Variants in SOX5 observed in about 807,000 individuals in gnomAD.
The protein encoded by SOX5 is transcription factor SOX-5.
A neutral mutation model predicts 92.0 loss-of-function variants in SOX5; 9 were observed. The observed-to-expected ratio is 0.10, with a 90% CI of 0.06 to 0.17. SOX5 has a LOEUF of 0.17. Ranked by LOEUF, SOX5 falls within the 10% of genes least tolerant of loss-of-function variation. The pLI is 1.00. For missense variants in SOX5, 642 were observed against 944.5 expected (o/e 0.68, Z 4.20); for synonymous variants, 344 against 336.3 (o/e 1.02, Z -0.25).
intron 2 of SOX5, among the ~76,000 whole-genome samples, chr12:23,882,493 C>T (rs2137167442): frequency 1.3e-5 from 2 of 151,982 alleles, no homozygotes; most frequent in South Asian, 4.2e-4. Context: ...ATATACCATT[C>T]CAAAATATTG....
At chr12:23,558,382 C>T (rs1304275044) in intron 11 of SOX5, among the ~76,000 whole-genome samples, 3 of 152,144 alleles carry the variant, frequency 2.0e-5, no homozygotes, top group African/African-American at 2.4e-5. Flanking sequence ...TGAAATACCC[C>T]CGTATGAATG....
At chr12:24,005,822 A>C (rs1952096004) in intron 4 of SOX5, among the ~76,000 whole-genome samples, 1 of 152,224 alleles carries the variant, frequency 6.6e-6, no homozygotes, top group Admixed American at 6.6e-5. Context: ...ATTAAAATAC[A>C]GAGAAGCTAA....
intron 4 of SOX5, chr12:24,213,284 A>T (rs1228405999): frequency 1.3e-5 from 2 of 152,094 alleles, no homozygotes; most frequent in African/African-American, 4.8e-5. Context: ...AAGAGATTTG[A>T]GAATTGTAAA....
intron 4 of SOX5, among the ~76,000 whole-genome samples, chr12:24,207,685 A>G (rs1394572797): frequency 6.6e-6 from 1 of 152,176 alleles, no homozygotes; most frequent in Admixed American, 6.5e-5. Context: ...CTACAACTCA[A>G]ACTTGAGAGT....
intron 3 of SOX5, among the ~76,000 whole-genome samples, chr12:24,262,912 T>A (rs1482177749): frequency 6.6e-6 from 1 of 152,076 alleles, no homozygotes; most frequent in African/African-American, 2.4e-5. Context: ...ATACATTGCC[T>A]CCAAAATGTC....
chr12:24,449,633 A>G lies in SOX5; in HGVS notation c.-250-80994T>C, dbSNP rs1371954736. On this transcript the variant is annotated intron_variant, in intron 1 of 4. Transcript: ENST00000446891. ...AGACCCAAAACAGGGCCTGGAAGAT[A>G]ATAGTAGTAAATATTTTTTCAAGAA... 2.0e-5 allele frequency among the ~76,000 whole-genome samples: 3 copies of G among 152,372 alleles called. No individual in the cohort carries two copies. In the East Asian group the frequency reaches 5.8e-4, roughly 29 times the overall value.
chr12:24,216,183 C>T (rs1959158770), intron 3 of SOX5, among the ~76,000 whole-genome samples: 1 of 152,052 alleles, frequency 6.6e-6, no homozygotes, highest in African/African-American at 2.4e-5. Flanking sequence ...GGGAGGTTGT[C>T]AAAAGAATAA....
chr12:24,265,860 A>G (rs1352944356), intron 3 of SOX5, among the ~76,000 whole-genome samples: 2 of 152,094 alleles, frequency 1.3e-5, no homozygotes, highest in Non-Finnish European at 2.9e-5. Flanking sequence ...TTTCAGTAAA[A>G]TTAATATTGC....
chr12:24,458,566 T>G (rs1046667340), intron 1 of SOX5, among the ~76,000 whole-genome samples: 1 of 152,126 alleles, frequency 6.6e-6, no homozygotes, highest in Admixed American at 6.5e-5. Context: ...GACCCAGATA[T>G]AGATGTTTTT....
At chr12:24,332,449 G>A (rs1951435860) in intron 2 of SOX5, among the ~76,000 whole-genome samples, 1 of 152,032 alleles carries the variant, frequency 6.6e-6, no homozygotes, top group African/African-American at 2.4e-5. Context: ...AACTGAGAAA[G>A]TTACTTGACA....
At chr12:24,350,624 A>G (rs1468501026) in intron 2 of SOX5, among the ~76,000 whole-genome samples, 2 of 152,182 alleles carry the variant, frequency 1.3e-5, no homozygotes, top group Non-Finnish European at 2.9e-5. Flanking sequence ...GACTACAGGC[A>G]TGAGCCACTG....
upstream of SOX5, among the ~76,000 whole-genome samples, chr12:23,955,403 C>T (rs1445517193): frequency 6.6e-6 from 1 of 152,146 alleles, no homozygotes; most frequent in Non-Finnish European, 1.5e-5. Context: ...CGTAATTTGG[C>T]TCTATTTTTA....
At chr12:23,763,653 CT>C (rs141399576) in intron 3 of SOX5, among the ~76,000 whole-genome samples, 35 of 148,928 alleles carry the variant, frequency 2.4e-4, no homozygotes, top group Non-Finnish European at 2.8e-4. Context: ...TAATCTTTGC[CT>C]TTTTTTTTTC....
At position 24,442,581 on chromosome 12, in the gene SOX5, C is replaced by T. The variant is rs146093041; in HGVS notation, c.-250-73942G>A. 4.7e-3 allele frequency among the ~76,000 whole-genome samples: 714 copies of T among 152,136 alleles called. 11 individuals are homozygous for T. The East Asian group carries it at 0.051, about 11-fold the overall frequency. On this transcript the variant is annotated intron_variant, in intron 1 of 4. Transcript: ENST00000446891. Reference sequence around the variant, plus strand: ...AAAGTTTAAAAGTTTTAAGAGGAGACGTTAATGAGAAAGTCACATTGCACA... The same window carrying T: ...AAAGTTTAAAAGTTTTAAGAGGAGATGTTAATGAGAAAGTCACATTGCACA...
rs1264874472 is a variant in SOX5, at chr12:24,119,978, T to C, written c.-2+93365A>G. Among the ~76,000 whole-genome samples, 10 of 152,342 alleles carry C rather than the reference T, an allele frequency of 6.6e-5. No individual in the cohort carries two copies. The South Asian group carries it at 1.2e-3, about 19-fold the overall frequency. On this transcript the variant is annotated intron_variant, in intron 4 of 4. Transcript: ENST00000446891. ...CTCATTGCGATGGTTGTTAAATTCA[T>C]ATATAGTTGTGTGCAGTTGTAGATC...
intron 1 of SOX5, among the ~76,000 whole-genome samples, chr12:24,456,418 A>G (rs1284167552): frequency 6.6e-6 from 1 of 152,176 alleles, no homozygotes; most frequent in Admixed American, 6.5e-5. Flanking sequence ...GTGCCATATC[A>G]TATTTCTAGA....
intron 4 of SOX5, among the ~76,000 whole-genome samples, chr12:23,745,259 A>G (rs563600745): frequency 6.6e-6 from 1 of 152,232 alleles, no homozygotes; most frequent in African/African-American, 2.4e-5. Context: ...CTTCACTGCC[A>G]TTTTTGTCAT....
chr12:24,070,334 C>A (rs1941563555), intron 4 of SOX5, among the ~76,000 whole-genome samples: 1 of 151,952 alleles, frequency 6.6e-6, no homozygotes. Context: ...AAAGAGGCAA[C>A]AGGACTGATC....
At chr12:24,210,072 A>G (rs1958442083) in intron 4 of SOX5, among the ~76,000 whole-genome samples, 1 of 151,574 alleles carries the variant, frequency 6.6e-6, no homozygotes, top group Non-Finnish European at 1.5e-5. Flanking sequence ...TCCAAGTATC[A>G]ATAATATCTA....
Sources: allele counts gnomAD v4.1 joint callset (sites outside exome capture counted in the v4.1 genomes callset), GRCh38; gene constraint gnomAD v4.1.1; transcripts MANE v1.5; gene names NCBI Gene and HGNC (gene_info 2026-07-23, HGNC 2026-07-21).